Variants in CADPS2 observed in about 807,000 individuals in gnomAD.
CADPS2 encodes the protein calcium-dependent secretion activator 2.
CADPS2 carries 93 observed loss-of-function variants against 172.5 expected under a neutral mutation model. The ratio of observed to expected loss-of-function variants is 0.54; its 90% CI spans 0.46 to 0.64. The LOEUF is 0.64. CADPS2 is among the 30% of genes least tolerant of loss of function. The pLI, the probability that CADPS2 is intolerant of heterozygous loss-of-function variation, is 0.00. For synonymous variants in CADPS2, 546 were observed against 555.2 expected (o/e 0.98, Z 0.23); for missense variants, 1,420 against 1,565.9 (o/e 0.91, Z 1.57).
chr7:122,332,058 C>G, intron 28 of CADPS2: 1 of 152,090 alleles, frequency 6.6e-6, no homozygotes, highest in East Asian at 1.9e-4. Flanking sequence ...GAGAAGGTAC[C>G]TATTAATTAT....
chr7:122,591,953 A>G (rs1472450541), intron 6 of CADPS2, among the ~76,000 whole-genome samples: 1 of 152,152 alleles, frequency 6.6e-6, no homozygotes, highest in Non-Finnish European at 1.5e-5. Flanking sequence ...TAAAACAACA[A>G]AAGCAATGGC....
At chr7:122,337,280 T>A (rs190411548) in intron 28 of CADPS2, among the ~76,000 whole-genome samples, 1 of 152,186 alleles carries the variant, frequency 6.6e-6, no homozygotes, top group Non-Finnish European at 1.5e-5. Context: ...TAAGCCTCTG[T>A]TGTTAATTAG....
At chr7:122,713,141 T>G (rs2089028049) in intron 2 of CADPS2, among the ~76,000 whole-genome samples, 1 of 152,156 alleles carries the variant, frequency 6.6e-6, no homozygotes, top group African/African-American at 2.4e-5. Flanking sequence ...TTCACAAAGT[T>G]TCCTTCATTC....
At chr7:122,592,967 C>T (rs982419236) in intron 6 of CADPS2, among the ~76,000 whole-genome samples, 4 of 149,794 alleles carry the variant, frequency 2.7e-5, no homozygotes, top group Non-Finnish European at 5.9e-5. Flanking sequence ...TACACGTGTA[C>T]CCTAGAACTT....
At chr7:122,580,757 C>A (rs544734914) in intron 7 of CADPS2, among the ~76,000 whole-genome samples, 1 of 152,178 alleles carries the variant, frequency 6.6e-6, no homozygotes, top group South Asian at 2.1e-4. Context: ...AGATGCACTT[C>A]GGAGATATTC....
At chr7:122,839,664 C>CA (rs1809783867) in intron 1 of CADPS2, among the ~76,000 whole-genome samples, 1 of 152,140 alleles carries the variant, frequency 6.6e-6, no homozygotes. Context: ...ATGCAGCCAA[C>CA]AGACACATGA....
At chr7:122,443,995 C>G (rs776200954) in intron 15 of CADPS2, among the ~76,000 whole-genome samples, 4 of 152,126 alleles carry the variant, frequency 2.6e-5, no homozygotes, top group Non-Finnish European at 5.9e-5. Context: ...CCCCAGATCA[C>G]AGGCAACTAC....
chr7:122,511,985 A>T (rs1395959387), intron 9 of CADPS2, among the ~76,000 whole-genome samples: 1 of 152,134 alleles, frequency 6.6e-6, no homozygotes, highest in Non-Finnish European at 1.5e-5. Flanking sequence ...AGCAAATGCT[A>T]GGGCTCTATA....
intron 27 of CADPS2, among the ~76,000 whole-genome samples, chr7:122,347,011 T>C (rs1175001906): frequency 1.3e-5 from 2 of 152,184 alleles, no homozygotes; most frequent in South Asian, 2.1e-4. Context: ...GGTAGATCTA[T>C]TAAATTAGAT....
At chr7:122,681,507 C>T in intron 2 of CADPS2, 1 of 1,467,734 alleles carries the variant, frequency 6.8e-7, no homozygotes, top group Non-Finnish European at 9.4e-7. Flanking sequence ...CTATGTGCTT[C>T]CCAAGCTGTA....
intron 8 of CADPS2, among the ~76,000 whole-genome samples, chr7:122,514,940 A>C (rs1362309271): frequency 2.0e-5 from 3 of 152,196 alleles, no homozygotes; most frequent in African/African-American, 7.2e-5. Flanking sequence ...TAATTCCAAA[A>C]TATTACTAAT....
intron 1 of CADPS2, among the ~76,000 whole-genome samples, chr7:122,822,581 C>T (rs1229728413): frequency 6.8e-6 from 1 of 146,064 alleles, no homozygotes; most frequent in Non-Finnish European, 1.5e-5. Context: ...GCCAAGCCAT[C>T]GCATCCCCTG....
intron 1 of CADPS2, among the ~76,000 whole-genome samples, chr7:122,841,819 A>T (rs1810605229): frequency 6.6e-6 from 1 of 150,914 alleles, no homozygotes; most frequent in Admixed American, 6.6e-5. Flanking sequence ...AAAGTTTAGT[A>T]CTGTATTTTT....
chr7:122,332,360 A>C (rs1473479472), intron 28 of CADPS2, among the ~76,000 whole-genome samples: 1 of 151,392 alleles, frequency 6.6e-6, no homozygotes, highest in Non-Finnish European at 1.5e-5. Flanking sequence ...GTTCTTCCAT[A>C]GTAGAACTCT....
chr7:122,695,387 A>C (rs940032043), intron 2 of CADPS2, among the ~76,000 whole-genome samples: 2 of 152,220 alleles, frequency 1.3e-5, no homozygotes, highest in African/African-American at 4.8e-5. Flanking sequence ...ACAAGAGAAA[A>C]TGGTATATAG....
chr7:122,561,142 T>A (rs1248416968), intron 7 of CADPS2, among the ~76,000 whole-genome samples: 3 of 152,196 alleles, frequency 2.0e-5, no homozygotes, highest in African/African-American at 7.2e-5. Flanking sequence ...AGTGCTCTTT[T>A]GTATACTGAA....
intron 7 of CADPS2, among the ~76,000 whole-genome samples, chr7:122,580,226 G>A (rs948290678): frequency 1.7e-4 from 26 of 152,112 alleles, no homozygotes; most frequent in African/African-American, 4.6e-4. Flanking sequence ...AGGCTGAAGC[G>A]AGTGGATCAC....
At chr7:122,803,015 A>T (rs1241302395) in intron 1 of CADPS2, among the ~76,000 whole-genome samples, 1 of 152,246 alleles carries the variant, frequency 6.6e-6, no homozygotes, top group Admixed American at 6.5e-5. Flanking sequence ...TTCTAAAAAA[A>T]TATGAATTAT....
chr7:122,696,936 A>C (rs868355923), intron 2 of CADPS2, among the ~76,000 whole-genome samples: 20 of 152,124 alleles, frequency 1.3e-4, no homozygotes, highest in African/African-American at 4.6e-4. Flanking sequence ...AAGAAACATG[A>C]CCATATCATA....
Sources: gnomAD v4.1 joint callset for allele counts (sites outside exome capture counted in the v4.1 genomes callset) on GRCh38, gnomAD v4.1.1 for gene constraint, MANE v1.5 for transcripts, NCBI Gene and HGNC (gene_info 2026-07-23, HGNC 2026-07-21) for gene names.